ATP13A4: variants seen among roughly 807,000 people sequenced by gnomAD.
ATP13A4 encodes probable cation-transporting ATPase 13A4.
ATP13A4 carries 114 observed loss-of-function variants against 142.5 expected under a neutral mutation model. The observed-to-expected ratio is 0.80, with a 90% CI of 0.69 to 0.93. The LOEUF (loss-of-function observed/expected upper bound fraction) is 0.93, where lower values mean the gene tolerates loss of function less well. ATP13A4 is among the 40% of genes least tolerant of loss of function. The pLI is 0.00. For synonymous variants in ATP13A4, 488 were observed against 514.8 expected (o/e 0.95, Z 0.70); for missense variants, 1,392 against 1,454.0 (o/e 0.96, Z 0.69).
intron 26 of ATP13A4, among the ~76,000 whole-genome samples, chr3:193,414,302 G>A (rs1293207241): frequency 6.6e-6 from 1 of 152,048 alleles, no homozygotes; most frequent in African/African-American, 2.4e-5. Context: ...GGGCTGCTCA[G>A]GCAAATTATA....
chr3:193,553,623 C>T (rs1723718475), intron 1 of ATP13A4: 1 of 152,202 alleles, frequency 6.6e-6, no homozygotes, highest in Admixed American at 6.5e-5. Context: ...ATTCATTTGG[C>T]AGTCAAATCT....
At position 193,401,372 on chromosome 3, in the gene ATP13A4, G is replaced by A. The variant is rs146323907; in HGVS notation, c.*1280C>T. On this transcript the variant is annotated 3_prime_UTR_variant, in exon 30 of 30. Coordinates refer to ENST00000342695, the MANE Select transcript of ATP13A4 (RefSeq NM_032279.4). The stretch of plus-strand genomic sequence containing the variant: ...AAAATAAGGACAATTTTAGTTTTCT[G>A]GAAACTCAAGCCACAAACTTTAAAA... 3.3e-4 allele frequency among the ~76,000 whole-genome samples: 50 copies of A among 152,028 alleles called. No homozygotes were observed. Among genetic ancestry groups the A allele is most frequent in the Non-Finnish European group, 6.3e-4 (43 of 68,000 alleles).
At chr3:193,448,462 A>G in intron 17 of ATP13A4, 132 bp from the exon 18 acceptor site, 4 of 1,156,382 alleles carry the variant, frequency 3.5e-6, no homozygotes, top group Non-Finnish European at 5.0e-6. Flanking sequence ...CAGCTTCCCA[A>G]GTAACTGGGA....
At chr3:193,463,774 A>G (rs771418127) in intron 12 of ATP13A4, among the ~76,000 whole-genome samples, 3 of 152,136 alleles carry the variant, frequency 2.0e-5, no homozygotes, top group East Asian at 1.9e-4. Context: ...ATAGAATGTC[A>G]TTTCTTACAT....
At position 193,424,413 on chromosome 3, in the gene ATP13A4, T is replaced by G. The variant is rs945155359; in HGVS notation, c.2842+9432A>C. Among the ~76,000 whole-genome samples the G allele has an allele frequency of 1.0e-4, 15 of 149,550 alleles. 1 individual carries two copies. In the Admixed American group the frequency reaches 1.0e-3, roughly 10 times the overall value. ...AAAGAATAATGCCAGAGGCCCCACA[T>G]ATCCTTGATTTTAAAATATACTACA... On this transcript the variant is annotated intron_variant, in intron 25 of 29. Transcript: ENST00000342695.
At chr3:193,517,741 C>G (rs1391075915) in intron 1 of ATP13A4, among the ~76,000 whole-genome samples, 1 of 152,000 alleles carries the variant, frequency 6.6e-6, no homozygotes, top group Non-Finnish European at 1.5e-5. Flanking sequence ...CCTCAGCCTC[C>G]CAAAGTGCTG....
At chr3:193,584,752 TCTTG>T in intron 1 of ATP13A4, among the ~76,000 whole-genome samples, 1 of 152,346 alleles carries the variant, frequency 6.6e-6, no homozygotes, top group South Asian at 2.1e-4. Flanking sequence ...ATTTTGTGAT[TCTTG>T]CTTCATCTAA....
At position 193,402,213 on chromosome 3, in the gene ATP13A4, G is replaced by A. The variant is rs1379974170; in HGVS notation, c.*439C>T. The A allele has an allele frequency of 4.1e-5, 7 of 171,628 alleles. No individual in the cohort carries two copies. Among genetic ancestry groups the A allele is most frequent in the Non-Finnish European group, 8.8e-5 (7 of 79,384 alleles). The allele number at this position is 171,628 out of a possible 1,614,324, so 10.6% of individuals were successfully genotyped here. On this transcript the variant is annotated 3_prime_UTR_variant, in exon 30 of 30. Transcript: ENST00000342695. Reference sequence around the variant, plus strand: ...AAAGGAACCCAGACAGTAAAGATTGGTGTAATGTTTCCCACGCATTAGTTT... The same window carrying A: ...AAAGGAACCCAGACAGTAAAGATTGATGTAATGTTTCCCACGCATTAGTTT...
At chr3:193,452,382 T>C (rs1717330488) in intron 17 of ATP13A4, among the ~76,000 whole-genome samples, 1 of 152,104 alleles carries the variant, frequency 6.6e-6, no homozygotes. Context: ...AGAATTGTAG[T>C]AGCCAGAGTT....
intron 9 of ATP13A4, 150 bp downstream of exon 9, chr3:193,470,709 T>C: frequency 1.8e-6 from 2 of 1,098,730 alleles, no homozygotes; most frequent in South Asian, 1.3e-5. Flanking sequence ...CAGGACTAAG[T>C]AAGATTTGTG....
chr3:193,563,944 C>T (rs1724079573), intron 2 of ATP13A4, among the ~76,000 whole-genome samples: 1 of 152,072 alleles, frequency 6.6e-6, no homozygotes, highest in East Asian at 1.9e-4. Context: ...TCTAACACTT[C>T]TAAATTAGTA....
intron 29 of ATP13A4, among the ~76,000 whole-genome samples, chr3:193,404,322 G>A (rs1714388786): frequency 6.6e-6 from 1 of 152,174 alleles, no homozygotes; most frequent in South Asian, 2.1e-4. Flanking sequence ...TGCCTTCAGT[G>A]TTTTTTAGTT....
intron 20 of ATP13A4, 68 bp from the exon 21 acceptor site, chr3:193,440,705 A>G: frequency 2.0e-6 from 3 of 1,508,628 alleles, no homozygotes; most frequent in Non-Finnish European, 2.8e-6. Flanking sequence ...AATTACTAAC[A>G]CTCAGAATGT....
In ATP13A4 at chr3:193,401,108, G is replaced by A. The variant is rs557781782; in HGVS notation, c.*1544C>T. Among the ~76,000 whole-genome samples the A allele has an allele frequency of 1.3e-5, 2 of 152,294 alleles. No individual in the cohort carries two copies. The highest frequency in any genetic ancestry group is 3.9e-4 in the East Asian group (2 of 5,182). ...TCAGCCATGCTCAAGAGCTCAGTTAGGGGGAAGGAATGCTTGCAAATGCTA... is the reference window on the plus strand; with the variant it reads ...TCAGCCATGCTCAAGAGCTCAGTTAAGGGGAAGGAATGCTTGCAAATGCTA... On this transcript the variant is annotated 3_prime_UTR_variant, in exon 30 of 30. Coordinates refer to ENST00000342695, the MANE Select transcript of ATP13A4 (RefSeq NM_032279.4).
intron 25 of ATP13A4, among the ~76,000 whole-genome samples, chr3:193,430,139 T>TGTTCG (rs1715890062): frequency 6.6e-6 from 1 of 152,090 alleles, no homozygotes; most frequent in Non-Finnish European, 1.5e-5. Context: ...TAGAATTTTC[T>TGTTCG]ATTCGAAATA....
At chr3:193,582,149 CTT>C (rs61610633) in intron 1 of ATP13A4, among the ~76,000 whole-genome samples, 64,559 of 124,424 alleles carry the variant, frequency 0.52, 15,298 homozygotes, top group African/African-American at 0.56. Context: ...CTTTTCTTTT[CTT>C]TTTTTTTTTT....
At chr3:193,473,856 C>T (rs1437940541) in intron 8 of ATP13A4, among the ~76,000 whole-genome samples, 1 of 152,170 alleles carries the variant, frequency 6.6e-6, no homozygotes, top group African/African-American at 2.4e-5. Flanking sequence ...ATTAAAGAGA[C>T]ATGGCAAACA....
Position 193,433,862 on chromosome 3 carries a change from G to A in ATP13A4, c.2825C>T (p.Thr942Ile). The A allele has an allele frequency of 6.2e-7, 1 of 1,613,570 alleles. No individual in the cohort carries two copies. Among genetic ancestry groups the A allele is most frequent in the Non-Finnish European group, 8.5e-7 (1 of 1,179,510 alleles). ...QFLFQDLAIT[T>I]LIGVTMNLNG... Reference sequence around the variant, plus strand: ...TGTCTTACTTGTTACACCAATAAGAGTTGTAATGGCCAGATCCTGGAACAG... The same window carrying A: ...TGTCTTACTTGTTACACCAATAAGAATTGTAATGGCCAGATCCTGGAACAG... The change falls in exon 25 of 30, where the codon ACT (threonine) becomes ATT (isoleucine). Residue 942 changes from threonine (T) to isoleucine (I), a missense_variant. Coordinates refer to ENST00000342695, the MANE Select transcript of ATP13A4 (RefSeq NM_032279.4).
chr3:193,587,063 G>A (rs1288351186), intron 1 of ATP13A4, among the ~76,000 whole-genome samples: 1 of 152,038 alleles, frequency 6.6e-6, no homozygotes, highest in East Asian at 1.9e-4. Flanking sequence ...TAAATTTATG[G>A]CTAATTATAT....
Sources: allele counts gnomAD v4.1 joint callset (sites outside exome capture counted in the v4.1 genomes callset), GRCh38; gene constraint gnomAD v4.1.1; transcripts MANE v1.5; gene names NCBI Gene and HGNC (gene_info 2026-07-23, HGNC 2026-07-21).